The following OPCML variants were observed in gnomAD, a reference collection of about 807,000 sequenced individuals.
The protein encoded by OPCML is opioid-binding protein/cell adhesion molecule.
A neutral mutation model predicts 37.8 loss-of-function variants in OPCML; 13 were observed. The ratio of observed to expected loss-of-function variants is 0.34; its 90% confidence interval spans 0.22 to 0.55. OPCML has a LOEUF of 0.55. Ranked by LOEUF, OPCML falls within the 20% of genes least tolerant of loss-of-function variation. The probability of loss-of-function intolerance (pLI) is 0.91; values close to 1 mark genes in which losing one functional copy is unlikely to be tolerated. For missense variants in OPCML, 341 were observed against 435.6 expected, an observed-to-expected ratio of 0.78 and a Z score of 1.93; for synonymous variants, 176 against 168.8, an observed-to-expected ratio of 1.04 and a Z score of -0.33.
chr11:133,075,584 T>C (rs1047388163), intron 1 of OPCML, among the ~76,000 whole-genome samples: 1 of 152,120 alleles, frequency 6.6e-6, no homozygotes. Flanking sequence ...ATACTGGCAG[T>C]GATGCCTCTC....
At chr11:133,474,675 G>A (rs995375252) in intron 1 of OPCML, among the ~76,000 whole-genome samples, 1 of 152,202 alleles carries the variant, frequency 6.6e-6, no homozygotes, top group South Asian at 2.1e-4. Flanking sequence ...GGCGGGGCTG[G>A]AGGAGCATGG....
intron 1 of OPCML, among the ~76,000 whole-genome samples, chr11:133,121,765 A>C (rs1376175630): frequency 1.3e-5 from 2 of 152,194 alleles, no homozygotes; most frequent in Non-Finnish European, 2.9e-5. Context: ...ATCTGCCAGC[A>C]TGTTTTCCAG....
chr11:132,676,072 A>G (rs1366271904), intron 2 of OPCML, among the ~76,000 whole-genome samples: 3 of 152,310 alleles, frequency 2.0e-5, no homozygotes, highest in African/African-American at 7.2e-5. Context: ...AAGTCAGTGT[A>G]GCACTGGCAT....
intron 1 of OPCML, among the ~76,000 whole-genome samples, chr11:132,998,610 T>C (rs1289552922): frequency 2.0e-5 from 3 of 152,346 alleles, no homozygotes; most frequent in African/African-American, 7.2e-5. Flanking sequence ...GAGAGAACTC[T>C]TCTATGCTCT....
chr11:132,526,047 T>C (rs1314260853), intron 4 of OPCML, among the ~76,000 whole-genome samples: 1 of 152,188 alleles, frequency 6.6e-6, no homozygotes, highest in Admixed American at 6.6e-5. Context: ...CATTTAAATT[T>C]AGGATTTTCC....
Position 133,432,481 on chromosome 11 carries a change from T to A in OPCML, c.61+99783A>T, listed in dbSNP as rs374328051. Among the ~76,000 whole-genome samples the A allele has an allele frequency of 1.1e-4, 16 of 152,276 alleles. 1 individual carries two copies. In the East Asian group the frequency reaches 2.9e-3, roughly 28 times the overall value. ...GCCTCAAACTTCTGGGCTCAAGTGA[T>A]CCTCCTGCCTTTGCCTCCCAAGTAG... On this transcript the variant is annotated intron_variant, in intron 1 of 7. Transcript: ENST00000524381.
chr11:132,520,194 G>A (rs1052788202), intron 4 of OPCML, among the ~76,000 whole-genome samples: 20 of 152,172 alleles, frequency 1.3e-4, no homozygotes, highest in African/African-American at 4.8e-4. Flanking sequence ...CAGATAACAA[G>A]CAGAATTTGA....
At chr11:132,865,471 G>A (rs1423849892) in intron 2 of OPCML, among the ~76,000 whole-genome samples, 5 of 152,138 alleles carry the variant, frequency 3.3e-5, no homozygotes, top group Non-Finnish European at 7.4e-5. Flanking sequence ...GAGGAAACAC[G>A]GCTCCTGGCC....
chr11:133,273,951 C>T (rs1941921287), intron 1 of OPCML, among the ~76,000 whole-genome samples: 1 of 152,164 alleles, frequency 6.6e-6, no homozygotes. Context: ...TTCAAAAGCA[C>T]ACAATAACAT....
At chr11:133,530,671 A>G (rs1948587112) in intron 1 of OPCML, among the ~76,000 whole-genome samples, 1 of 152,226 alleles carries the variant, frequency 6.6e-6, no homozygotes, top group Admixed American at 6.5e-5. Context: ...GAATAACAAC[A>G]ACAGCAACCC....
rs182226602 is a variant in OPCML at position 132,466,047 on chromosome 11, A to G, written c.506-28688T>C. On this transcript the variant is annotated intron_variant, in intron 4 of 7. Transcript: ENST00000524381. ...CCACCAATGCACACCTATATAGAGAAATAAATTCTGATCTTAAGTAGGCCA... is the reference window on the plus strand; with the variant it reads ...CCACCAATGCACACCTATATAGAGAGATAAATTCTGATCTTAAGTAGGCCA... Among the ~76,000 whole-genome samples the G allele has an allele frequency of 1.4e-3, 213 of 152,278 alleles. 2 individuals carry two copies. The South Asian group carries it at 0.021, about 15-fold the overall frequency.
At position 132,826,281 on chromosome 11, in the gene OPCML, G is replaced by C. The variant is rs553972111; in HGVS notation, c.146+116645C>G. On this transcript the variant is annotated intron_variant, in intron 2 of 7. Transcript: ENST00000524381. ...CTTGGAAACTATGAAAAATGCATTT[G>C]AAAGAGCAAGTTTTTGATGGCAATT... 2.0e-5 allele frequency among the ~76,000 whole-genome samples: 3 copies of C among 152,346 alleles called. No individual in the cohort carries two copies. In the South Asian group the frequency reaches 6.2e-4, roughly 32 times the overall value.
intron 1 of OPCML, among the ~76,000 whole-genome samples, chr11:133,329,081 C>T (rs1180690750): frequency 6.6e-6 from 1 of 152,120 alleles, no homozygotes; most frequent in Non-Finnish European, 1.5e-5. Flanking sequence ...CTCCCATTCA[C>T]AATTGCTTCA....
intron 2 of OPCML, among the ~76,000 whole-genome samples, chr11:132,867,018 T>C (rs974640961): frequency 6.6e-6 from 1 of 152,210 alleles, no homozygotes; most frequent in African/African-American, 2.4e-5. Flanking sequence ...GCATGACACA[T>C]CCTTTTCACT....
At position 132,436,078 on chromosome 11, in the gene OPCML, G is replaced by A; in HGVS notation, c.916+8C>T. 1 of 1,611,682 alleles carries A rather than the reference G, an allele frequency of 6.2e-7. No homozygotes were observed. Among genetic ancestry groups the A allele is most frequent in the South Asian group, 1.1e-5 (1 of 90,730 alleles). ...TGAGCCCACTGCATCCAGGCTTCCA[G>A]CACTCACCATACAATGTGATGCTGG... On this transcript the variant is annotated splice_region_variant and intron_variant, in intron 7 of 7. Coordinates refer to ENST00000524381, the MANE Select transcript of OPCML (RefSeq NM_001012393.5).
intron 3 of OPCML, among the ~76,000 whole-genome samples, chr11:132,562,305 C>T (rs1274756530): frequency 6.6e-6 from 1 of 151,456 alleles, no homozygotes; most frequent in Non-Finnish European, 1.5e-5. Flanking sequence ...CTGTAAAGCA[C>T]TATTTGGAAA....
At chr11:133,229,185 G>T (rs994730754) in intron 1 of OPCML, among the ~76,000 whole-genome samples, 1 of 152,160 alleles carries the variant, frequency 6.6e-6, no homozygotes, top group Non-Finnish European at 1.5e-5. Flanking sequence ...GGTTGCCCGG[G>T]GCAAGGACAG....
intron 2 of OPCML, among the ~76,000 whole-genome samples, chr11:132,875,334 A>G (rs2136408304): frequency 6.6e-6 from 1 of 152,292 alleles, no homozygotes; most frequent in African/African-American, 2.4e-5. Context: ...TGGGAATAAT[A>G]TCAAAATTAT....
intron 2 of OPCML, among the ~76,000 whole-genome samples, chr11:132,905,683 G>A (rs1033206973): frequency 6.6e-6 from 1 of 152,030 alleles, no homozygotes; most frequent in Non-Finnish European, 1.5e-5. Context: ...CCCAATAGTG[G>A]CAGGATAATC....
Sources: gnomAD v4.1 joint callset for allele counts (sites outside exome capture counted in the v4.1 genomes callset) on GRCh38, gnomAD v4.1.1 for gene constraint, MANE v1.5 for transcripts, NCBI Gene and HGNC (gene_info 2026-07-23, HGNC 2026-07-21) for gene names.